The following PSMA8 variants were observed in gnomAD, a reference collection of about 807,000 sequenced individuals.
PSMA8 encodes the protein proteasome 20S subunit alpha 8.
Under a neutral mutation model 32.4 loss-of-function variants are expected in PSMA8, and 18 were observed. The ratio of observed to expected loss-of-function variants is 0.56; its 90% CI spans 0.38 to 0.82. PSMA8 has a LOEUF of 0.82. Ranked by LOEUF, PSMA8 falls within the 40% of genes least tolerant of loss-of-function variation. The pLI, the probability that PSMA8 is intolerant of heterozygous loss-of-function variation, is 0.00. For synonymous variants in PSMA8, 104 were observed against 98.1 expected, an observed-to-expected ratio of 1.06 and a Z score of -0.36; for missense variants, 298 against 300.7, an observed-to-expected ratio of 0.99 and a Z score of 0.07.
At chr18:26,186,248 CAAAAAAAAAAAAAAAAA>C (rs534639436) in intron 6 of PSMA8, among the ~76,000 whole-genome samples, 2 of 27,828 alleles carry the variant, frequency 7.2e-5, no homozygotes, top group African/African-American at 1.4e-4. Flanking sequence ...GACTCTGTCT[CAAAAAAAAAAAAAAAAA>C]AAAAAAAAAA....
intron 6 of PSMA8, among the ~76,000 whole-genome samples, chr18:26,185,370 A>G (rs2086577374): frequency 6.6e-6 from 1 of 150,752 alleles, no homozygotes; most frequent in African/African-American, 2.5e-5. Flanking sequence ...TCATGTATCT[A>G]GATTTTTCCT....
intron 4 of PSMA8, chr18:26,170,753 G>A (rs1397091075): frequency 6.5e-7 from 1 of 1,536,982 alleles, no homozygotes; most frequent in East Asian, 2.4e-5. Context: ...CTTCAAATTT[G>A]TACTTAATGC....
At chr18:26,150,318 A>T (rs1487746013) in intron 2 of PSMA8, among the ~76,000 whole-genome samples, 1 of 151,736 alleles carries the variant, frequency 6.6e-6, no homozygotes, top group Non-Finnish European at 1.5e-5. Context: ...TGTAATTTTA[A>T]ACTTAAATTT....
At chr18:26,162,320 C>T (rs1254250467) in intron 4 of PSMA8, among the ~76,000 whole-genome samples, 1 of 152,130 alleles carries the variant, frequency 6.6e-6, no homozygotes, top group Non-Finnish European at 1.5e-5. Context: ...CCCTTTCCCT[C>T]CTCTGCCCTC....
At chr18:26,160,115 A>G (rs988826957) in intron 4 of PSMA8, among the ~76,000 whole-genome samples, 2 of 152,160 alleles carry the variant, frequency 1.3e-5, no homozygotes, top group Admixed American at 6.6e-5. Flanking sequence ...CACCCTGGGC[A>G]ATGTAATAAG....
chr18:26,156,855 C>T (rs1464954487), intron 3 of PSMA8, among the ~76,000 whole-genome samples: 2 of 151,140 alleles, frequency 1.3e-5, no homozygotes, highest in Admixed American at 1.3e-4. Context: ...GGCATGATCT[C>T]GTCTCACTGA....
At chr18:26,171,203 G>C in intron 4 of PSMA8, 1 of 1,559,366 alleles carries the variant, frequency 6.4e-7, no homozygotes, top group Non-Finnish European at 8.5e-7. Context: ...ATTCATTCCT[G>C]AGCGGTGGCC....
intron 6 of PSMA8, among the ~76,000 whole-genome samples, chr18:26,180,077 C>A (rs2055298371): frequency 6.6e-6 from 1 of 151,858 alleles, no homozygotes; most frequent in Non-Finnish European, 1.5e-5. Context: ...ATAGTGAAAC[C>A]CCGTCTCTAC....
At position 26,192,397 on chromosome 18, in the gene PSMA8, A is replaced by G; in HGVS notation, c.739A>G (p.Lys247Glu). The G allele has an allele frequency of 6.5e-7, 1 of 1,532,798 alleles. No individual in the cohort carries two copies. Among genetic ancestry groups the G allele is most frequent in the Non-Finnish European group, 8.7e-7 (1 of 1,152,462 alleles). The allele number at this position is 1,532,798 out of a possible 1,614,324, so 94.9% of individuals were successfully genotyped here. A position where few individuals can be genotyped will look rare whatever the true frequency, so the allele number is the denominator to read the frequency against. ...GGAAGAAGCAGAGAAGAAAAAATCA[A>G]AGAAATCTGTCTAATTCTTAGGATG... ...EKEEAEKKKSKKSV is the reference protein window; with the variant it reads ...EKEEAEKKKSEKSV Residue 247 changes from lysine to glutamate, a missense_variant, in exon 7 of 7, where the codon AAG becomes GAG. Coordinates refer to ENST00000415576, the MANE Select transcript of PSMA8 (RefSeq NM_001025096.2).
At chr18:26,158,004 T>C in intron 3 of PSMA8, 118 bp from the exon 4 acceptor site, 2 of 689,252 alleles carry the variant, frequency 2.9e-6, no homozygotes, top group Non-Finnish European at 4.6e-6. Context: ...AAAAAGATCA[T>C]TAATATATGT....
At chr18:26,186,702 CTT>C (rs1184338567) in intron 6 of PSMA8, among the ~76,000 whole-genome samples, 4 of 152,228 alleles carry the variant, frequency 2.6e-5, no homozygotes, top group Non-Finnish European at 5.9e-5. Context: ...AATAGCTTGA[CTT>C]AAGGTATATA....
At chr18:26,183,805 T>C (rs901962066) in intron 6 of PSMA8, among the ~76,000 whole-genome samples, 4 of 150,824 alleles carry the variant, frequency 2.7e-5, no homozygotes, top group Non-Finnish European at 4.4e-5. Context: ...CATCTCATGC[T>C]ATAGAGAAAT....
intron 4 of PSMA8, among the ~76,000 whole-genome samples, chr18:26,164,941 G>A (rs533805868): frequency 9.9e-5 from 15 of 151,744 alleles, no homozygotes; most frequent in South Asian, 2.1e-4. Flanking sequence ...TTTTTGAGAC[G>A]GAATCTCTCT....
At chr18:26,171,560 C>T (rs1361877323) in intron 4 of PSMA8, among the ~76,000 whole-genome samples, 2 of 152,096 alleles carry the variant, frequency 1.3e-5, no homozygotes, top group African/African-American at 4.8e-5. Flanking sequence ...ATGGCGAAAC[C>T]CCGTCTCTAC....
chr18:26,181,442 A>G (rs544054621), intron 6 of PSMA8, among the ~76,000 whole-genome samples: 24 of 152,226 alleles, frequency 1.6e-4, no homozygotes, highest in East Asian at 3.9e-4. Flanking sequence ...AAATAGGCCA[A>G]TTAATAACCC....
chr18:26,189,789 C>T (rs1200817787), intron 6 of PSMA8, among the ~76,000 whole-genome samples: 1 of 152,192 alleles, frequency 6.6e-6, no homozygotes, highest in Non-Finnish European at 1.5e-5. Flanking sequence ...AATCCCACTA[C>T]TGGGTGTATA....
At chr18:26,156,182 C>T (rs2055087314) in intron 3 of PSMA8, among the ~76,000 whole-genome samples, 1 of 152,180 alleles carries the variant, frequency 6.6e-6, no homozygotes, top group Non-Finnish European at 1.5e-5. Context: ...GAAAGGGGAA[C>T]TCCCATACGC....
intron 2 of PSMA8, 129 bp downstream of exon 2, chr18:26,144,814 G>C: frequency 1.3e-6 from 1 of 756,076 alleles, no homozygotes. Context: ...TATATCCTAC[G>C]TTTTAAAGCA....
chr18:26,165,323 C>T (rs779332744), intron 4 of PSMA8, among the ~76,000 whole-genome samples: 4 of 152,214 alleles, frequency 2.6e-5, no homozygotes, highest in South Asian at 2.1e-4. Context: ...CATGCACCCA[C>T]GCCTGCATCT....
Sources: allele counts gnomAD v4.1 joint callset (sites outside exome capture counted in the v4.1 genomes callset), GRCh38; gene constraint gnomAD v4.1.1; transcripts MANE v1.5; gene names NCBI Gene and HGNC (gene_info 2026-07-23, HGNC 2026-07-21).